TAAR1: variants seen among roughly 807,000 people sequenced by gnomAD.
TAAR1 encodes the protein trace amine-associated receptor 1.
Under a neutral mutation model 1.2 loss-of-function variants are expected in TAAR1, and 1 was observed. The ratio of observed to expected loss-of-function variants is 0.81; its 90% CI spans 0.29 to 3.86. TAAR1 has a LOEUF of 3.86. TAAR1 is among the 30% of genes most tolerant of loss of function. The pLI, the probability that TAAR1 is intolerant of heterozygous loss-of-function variation, is 0.18. For synonymous variants in TAAR1, 153 were observed against 132.2 expected (o/e 1.16, Z -1.08); for missense variants, 445 against 405.6 (o/e 1.10, Z -0.83).
chr6:132,655,376 CTTTTTTTT>C (rs6149815), intron 1 of TAAR1, among the ~76,000 whole-genome samples: 33 of 133,372 alleles, frequency 2.5e-4, no homozygotes, highest in South Asian at 2.2e-3. Flanking sequence ...TTCATTCATT[CTTTTTTTT>C]TTTTTTTTTT....
At chr6:132,656,466 G>C (rs982697916) in intron 1 of TAAR1, among the ~76,000 whole-genome samples, 1 of 152,098 alleles carries the variant, frequency 6.6e-6, no homozygotes. Context: ...ATAGAAGTAG[G>C]ATGTCAGAAG....
At chr6:132,646,796 G>T (rs907574726) in intron 1 of TAAR1, among the ~76,000 whole-genome samples, 1 of 152,126 alleles carries the variant, frequency 6.6e-6, no homozygotes, top group African/African-American at 2.4e-5. Flanking sequence ...GCAAGAAATT[G>T]AAGTTTAATT....
chr6:132,645,370 T>C lies in TAAR1; in HGVS notation c.634A>G (p.Arg212Gly). 6 of 1,613,488 alleles carry C rather than the reference T, an allele frequency of 3.7e-6. No homozygotes were observed. Among genetic ancestry groups the C allele is most frequent in the Non-Finnish European group, 5.1e-6 (6 of 1,179,754 alleles). ...PGSIMLCVYY[R>G]IYLIAKEQAR... is the part of the protein sequence containing the mutation. ...TGTTCTTTAGCGATAAGATATATTCTGTAATAGACACATAACATAATAGAT... is the reference window on the plus strand; with the variant it reads ...TGTTCTTTAGCGATAAGATATATTCCGTAATAGACACATAACATAATAGAT... Residue 212 changes from arginine (R) to glycine (G), a missense_variant, in exon 2 of 2, where the codon AGA becomes GGA. Coordinates refer to ENST00000275216, the MANE Select transcript of TAAR1 (RefSeq NM_138327.4).
chr6:132,651,558 C>A (rs1302015845), intron 1 of TAAR1, among the ~76,000 whole-genome samples: 2 of 152,166 alleles, frequency 1.3e-5, no homozygotes, highest in Non-Finnish European at 2.9e-5. Flanking sequence ...ATATCCAATT[C>A]ATCAATAAAT....
chr6:132,645,568 T>A lies in TAAR1; in HGVS notation c.436A>T (p.Ile146Phe). Reference sequence around the variant, plus strand: ...AAAACAGCAGGGACACTCCAACTAATGAAGATCATCACACAAATAACCAAG... The same window carrying A: ...AAAACAGCAGGGACACTCCAACTAAAGAAGATCATCACACAAATAACCAAG... ...NILVICVMIFISWSVPAVFAF... is the reference protein window; with the variant it reads ...NILVICVMIFFSWSVPAVFAF... The change falls in exon 2 of 2, where the codon ATT (isoleucine) becomes TTT (phenylalanine). Residue 146 changes from isoleucine (I) to phenylalanine (F), a missense_variant. Ile to Phe is a conservative substitution (Grantham distance 21, BLOSUM62 0). Coordinates refer to ENST00000275216, the MANE Select transcript of TAAR1 (RefSeq NM_138327.4). The A allele has an allele frequency of 6.2e-7, 1 of 1,613,668 alleles. No individual in the cohort carries two copies. The highest frequency in any genetic ancestry group is 8.5e-7 in the Non-Finnish European group (1 of 1,179,820).
At position 132,645,016 on chromosome 6, in the gene TAAR1, T is replaced by G; in HGVS notation, c.988A>C (p.Arg330=). ...FGKIFQKDSS[R]CKLFLELSS ...CTCAATTCCAAAAATAATTTACACC[T>G]GGATGAATCTTTTTGGAAAATTTTA... The change falls in exon 2 of 2, where the codon AGG becomes CGG. Residue 330 remains arginine, a synonymous_variant. Coordinates refer to ENST00000275216, the MANE Select transcript of TAAR1 (RefSeq NM_138327.4). The G allele has an allele frequency of 1.9e-6, 3 of 1,578,588 alleles. No individual in the cohort carries two copies. The highest frequency in any genetic ancestry group is 2.6e-6 in the Non-Finnish European group (3 of 1,169,668).
intron 1 of TAAR1, among the ~76,000 whole-genome samples, chr6:132,653,358 G>A (rs1777767910): frequency 6.6e-6 from 1 of 152,150 alleles, no homozygotes; most frequent in Non-Finnish European, 1.5e-5. Flanking sequence ...TTCAAAGTAG[G>A]GGCCACTTCA....
chr6:132,657,678 A>G (rs1263647389), intron 1 of TAAR1, among the ~76,000 whole-genome samples: 8 of 152,064 alleles, frequency 5.3e-5, no homozygotes, highest in African/African-American at 1.7e-4. Flanking sequence ...GAATACTCCA[A>G]TTCTCAATAT....
At chr6:132,651,900 G>A (rs980611534) in intron 1 of TAAR1, among the ~76,000 whole-genome samples, 1 of 152,170 alleles carries the variant, frequency 6.6e-6, no homozygotes, top group African/African-American at 2.4e-5. Context: ...AAAGAAACCT[G>A]CATGGTGACA....
At chr6:132,651,638 T>A (rs1777750078) in intron 1 of TAAR1, among the ~76,000 whole-genome samples, 1 of 152,166 alleles carries the variant, frequency 6.6e-6, no homozygotes, top group Non-Finnish European at 1.5e-5. Context: ...ACTATCACCA[T>A]CCTGGTCCAA....
intron 1 of TAAR1, among the ~76,000 whole-genome samples, chr6:132,651,019 A>G (rs1376008102): frequency 6.6e-6 from 1 of 152,168 alleles, no homozygotes; most frequent in Non-Finnish European, 1.5e-5. Flanking sequence ...CTCATCATCA[A>G]TACTCCACCA....
chr6:132,654,203 C>A (rs1404949415), intron 1 of TAAR1, among the ~76,000 whole-genome samples: 1 of 149,242 alleles, frequency 6.7e-6, no homozygotes, highest in Non-Finnish European at 1.5e-5. Context: ...TGTTTCAAAG[C>A]CCAGCTTTTA....
At chr6:132,650,367 C>G (rs1466644481) in intron 1 of TAAR1, among the ~76,000 whole-genome samples, 2 of 152,194 alleles carry the variant, frequency 1.3e-5, no homozygotes, top group Non-Finnish European at 2.9e-5. Context: ...AATTTGAACA[C>G]TGGTTAAATG....
At chr6:132,646,432 G>A (rs938729411) in intron 1 of TAAR1, among the ~76,000 whole-genome samples, 1 of 152,094 alleles carries the variant, frequency 6.6e-6, no homozygotes, top group Non-Finnish European at 1.5e-5. Flanking sequence ...TGTGTCCATA[G>A]GAAGCCAGTC....
chr6:132,657,614 T>C (rs1010658018), intron 1 of TAAR1, among the ~76,000 whole-genome samples: 55 of 152,098 alleles, frequency 3.6e-4, no homozygotes, highest in African/African-American at 1.2e-3. Context: ...ATATCATAAA[T>C]AGGGATACAC....
At chr6:132,654,157 G>A (rs944940904) in intron 1 of TAAR1, among the ~76,000 whole-genome samples, 1 of 151,248 alleles carries the variant, frequency 6.6e-6, no homozygotes, top group Admixed American at 6.6e-5. Context: ...TCCTTAAATG[G>A]AAGAATAGTT....
chr6:132,643,683 A>T lies in TAAR1; in HGVS notation c.*1301T>A, dbSNP rs1236715278. The stretch of plus-strand genomic sequence containing the variant: ...CCTAACTTATTCATGAGCAGAAGGT[A>T]AATCCAAATCCCCAGTGATACTCAA... On this transcript the variant is annotated 3_prime_UTR_variant, in exon 2 of 2. Coordinates refer to ENST00000275216, the MANE Select transcript of TAAR1 (RefSeq NM_138327.4). Among the ~76,000 whole-genome samples, 4 of 151,996 alleles carry T rather than the reference A, an allele frequency of 2.6e-5. No individual in the cohort carries two copies. The highest frequency in any genetic ancestry group is 9.7e-5 in the African/African-American group (4 of 41,412).
chr6:132,647,552 AAAAG>A (rs201430781), intron 1 of TAAR1, among the ~76,000 whole-genome samples: 2 of 135,626 alleles, frequency 1.5e-5, no homozygotes, highest in African/African-American at 6.5e-5. Flanking sequence ...GAAGAAAGAA[AAAAG>A]AAAGGAAGGA....
chr6:132,652,819 CTT>C (rs1713708466), intron 1 of TAAR1, among the ~76,000 whole-genome samples: 2 of 151,656 alleles, frequency 1.3e-5, no homozygotes, highest in Non-Finnish European at 2.9e-5. Flanking sequence ...CCTCACCACT[CTT>C]TTTTAACAGG....
Sources: gnomAD v4.1 joint callset for allele counts (sites outside exome capture counted in the v4.1 genomes callset) on GRCh38, gnomAD v4.1.1 for gene constraint, MANE v1.5 for transcripts, NCBI Gene and HGNC (gene_info 2026-07-23, HGNC 2026-07-21) for gene names.